SLC44A2: variants seen among roughly 807,000 people sequenced by gnomAD.
SLC44A2 encodes the protein solute carrier family 44 member 2 (CTL2 blood group), also known as choline transporter-like protein 2.
Under a neutral mutation model 90.8 loss-of-function variants are expected in SLC44A2, and 57 were observed. The observed-to-expected ratio is 0.63, with a 90% CI of 0.51 to 0.78. The LOEUF (loss-of-function observed/expected upper bound fraction) is 0.78. SLC44A2 is among the 30% of genes least tolerant of loss of function. The probability of loss-of-function intolerance (pLI) is 0.00; values close to 1 mark genes in which losing one functional copy is unlikely to be tolerated. For missense variants in SLC44A2, 794 were observed against 919.7 expected, an observed-to-expected ratio of 0.86 and a Z score of 1.77; for synonymous variants, 355 against 360.7, an observed-to-expected ratio of 0.98 and a Z score of 0.18.
chr19:10,614,928 G>A (rs373904891), intron 1 of SLC44A2, among the ~76,000 whole-genome samples: 15 of 137,694 alleles, frequency 1.1e-4, no homozygotes, highest in Admixed American at 3.2e-4. Context: ...CCAAGATTGC[G>A]CCACTGCACT....
upstream of SLC44A2, among the ~76,000 whole-genome samples, chr19:10,623,438 T>G (rs1485751372): frequency 6.6e-6 from 1 of 152,154 alleles, no homozygotes; most frequent in Non-Finnish European, 1.5e-5. Context: ...ATGCTGTCTG[T>G]GTACACCCAG....
At chr19:10,609,313 T>C (rs1013717381) in intron 1 of SLC44A2, among the ~76,000 whole-genome samples, 4 of 150,910 alleles carry the variant, frequency 2.7e-5, no homozygotes, top group African/African-American at 9.8e-5. Context: ...TTTTTCTTTT[T>C]TTTCAAGACA....
At chr19:10,618,809 G>C (rs2066876610) in intron 1 of SLC44A2, among the ~76,000 whole-genome samples, 1 of 151,786 alleles carries the variant, frequency 6.6e-6, no homozygotes, top group Admixed American at 6.6e-5. Flanking sequence ...CCTGAGCTCA[G>C]GCAATCCGCC....
chr19:10,607,517 ATT>A (rs61695650), intron 1 of SLC44A2, among the ~76,000 whole-genome samples: 95 of 127,360 alleles, frequency 7.5e-4, no homozygotes, highest in Admixed American at 1.1e-3. Flanking sequence ...TACTCAACTA[ATT>A]TTTTTTTTTT....
chr19:10,635,372 C>T lies in SLC44A2; in HGVS notation c.1149-59C>T, dbSNP rs1294377767. ...AAACTGGTGGGAGAATGGATTCTTT[C>T]CCACAAAAGTCCCTGGGGTCCTCAG... On this transcript the variant is annotated intron_variant, in intron 13 of 21. Transcript: ENST00000335757. 3 of 1,607,844 alleles carry T rather than the reference C, an allele frequency of 1.9e-6. No homozygotes were observed. In the African/African-American group the frequency reaches 4.0e-5, roughly 22 times the overall value.
intron 1 of SLC44A2, among the ~76,000 whole-genome samples, chr19:10,616,852 C>T (rs939778921): frequency 6.6e-5 from 10 of 152,144 alleles, no homozygotes; most frequent in African/African-American, 2.2e-4. Context: ...CAGTCATCCT[C>T]CCACCTCAGT....
intron 20 of SLC44A2, 150 bp downstream of exon 20, chr19:10,638,465 C>T: frequency 2.6e-6 from 2 of 780,154 alleles, no homozygotes; most frequent in East Asian, 2.6e-5. Flanking sequence ...GTTTTTGAAT[C>T]AAGAGTCTTG....
chr19:10,624,753 C>T (rs140379932), upstream of SLC44A2, among the ~76,000 whole-genome samples: 15 of 152,340 alleles, frequency 9.8e-5, no homozygotes, highest in Non-Finnish European at 2.1e-4. Context: ...AGGATGTGGG[C>T]TCCACAAGGG....
intron 2 of SLC44A2, among the ~76,000 whole-genome samples, chr19:10,627,235 C>T (rs2066943070): frequency 6.8e-6 from 1 of 147,234 alleles, no homozygotes; most frequent in Admixed American, 6.8e-5. Context: ...GCAGGAGAAT[C>T]GCTTGAACCT....
chr19:10,641,498 T>C, intron 20 of SLC44A2: 1 of 425,188 alleles, frequency 2.4e-6, no homozygotes, highest in East Asian at 7.0e-5. Context: ...AGAAGGTCGA[T>C]GGGGCATAAA....
At chr19:10,628,028 G>C in intron 4 of SLC44A2, 24 bp downstream of exon 4, 2 of 1,597,444 alleles carry the variant, frequency 1.3e-6, no homozygotes, top group South Asian at 2.2e-5. Context: ...TTGCGGCCTG[G>C]TGGGGCTGGG....
At chr19:10,620,565 T>C (rs1047690642), upstream of SLC44A2, among the ~76,000 whole-genome samples, 2 of 152,242 alleles carry the variant, frequency 1.3e-5, no homozygotes, top group African/African-American at 4.8e-5. Flanking sequence ...ACATGTATTA[T>C]ATATTGTGGC....
At chr19:10,620,429 C>G (rs545933463) in intron 1 of SLC44A2, among the ~76,000 whole-genome samples, 1 of 151,936 alleles carries the variant, frequency 6.6e-6, no homozygotes, top group African/African-American at 2.4e-5. Flanking sequence ...GAGCCAAGAT[C>G]GGGCAACAGA....
Sources: gnomAD v4.1 joint callset for allele counts (sites outside exome capture counted in the v4.1 genomes callset) on GRCh38, gnomAD v4.1.1 for gene constraint, MANE v1.5 for transcripts, NCBI Gene and HGNC (gene_info 2026-07-23, HGNC 2026-07-21) for gene names.